The following SLIT3 variants were observed in gnomAD, a reference collection of about 807,000 sequenced individuals.
SLIT3 encodes slit guidance ligand 3, also known as slit homolog 3 protein.
SLIT3 carries 68 observed loss-of-function variants against 184.0 expected under a neutral mutation model. The ratio of observed to expected loss-of-function variants is 0.37; its 90% CI spans 0.30 to 0.45. The LOEUF is 0.45. SLIT3 is among the 20% of genes least tolerant of loss of function. The probability of loss-of-function intolerance (pLI) is 1.00; values close to 1 mark genes in which losing one functional copy is unlikely to be tolerated. For synonymous variants in SLIT3, 831 were observed against 828.6 expected, an observed-to-expected ratio of 1.00 and a Z score of -0.05; for missense variants, 1,707 against 2,026.0, an observed-to-expected ratio of 0.84 and a Z score of 3.02.
At chr5:169,254,978 G>A (rs114554631) in intron 1 of SLIT3, among the ~76,000 whole-genome samples, 2,127 of 152,348 alleles carry the variant, frequency 0.014, 51 homozygotes, top group African/African-American at 0.047. Context: ...TTCAGTCAAT[G>A]AGGATGGCAT....
At chr5:168,794,025 G>A (rs1756478698) in intron 10 of SLIT3, among the ~76,000 whole-genome samples, 1 of 152,196 alleles carries the variant, frequency 6.6e-6, no homozygotes, top group South Asian at 2.1e-4. Flanking sequence ...CAGGGAGATG[G>A]GAAGTTGGCT....
intron 4 of SLIT3, among the ~76,000 whole-genome samples, chr5:168,996,973 G>A (rs1755533957): frequency 1.3e-5 from 2 of 152,158 alleles, no homozygotes; most frequent in South Asian, 4.2e-4. Flanking sequence ...CTTGACTGCT[G>A]CAGGTCTCTG....
At chr5:168,700,861 A>C (rs1477448846) in intron 26 of SLIT3, among the ~76,000 whole-genome samples, 182 bp from the exon 27 acceptor site, 6 of 152,192 alleles carry the variant, frequency 3.9e-5, no homozygotes, top group African/African-American at 1.4e-4. Flanking sequence ...ACCCCTAGTC[A>C]CTGGACAGTA....
intron 4 of SLIT3, among the ~76,000 whole-genome samples, chr5:169,074,479 G>A (rs1758664814): frequency 6.6e-6 from 1 of 152,114 alleles, no homozygotes; most frequent in African/African-American, 2.4e-5. Context: ...TCTATGCACT[G>A]TCCCAAAAGT....
At chr5:169,066,293 G>A (rs969431698) in intron 4 of SLIT3, among the ~76,000 whole-genome samples, 2 of 152,140 alleles carry the variant, frequency 1.3e-5, no homozygotes, top group South Asian at 2.1e-4. Context: ...AGTAAGTGGG[G>A]AAAATTATTT....
intron 4 of SLIT3, among the ~76,000 whole-genome samples, chr5:169,066,612 T>C (rs1326713900): frequency 6.6e-5 from 10 of 152,226 alleles, no homozygotes; most frequent in Admixed American, 6.5e-4. Flanking sequence ...TTGCTCCATT[T>C]TTCTAGAAGG....
At chr5:169,205,012 G>C (rs1020982974) in intron 3 of SLIT3, among the ~76,000 whole-genome samples, 6 of 152,176 alleles carry the variant, frequency 3.9e-5, no homozygotes, top group Admixed American at 1.3e-4. Context: ...GGCGTTTCCA[G>C]GCAACTATGA....
intron 28 of SLIT3, among the ~76,000 whole-genome samples, chr5:168,694,518 C>T (rs745394365): frequency 3.3e-4 from 51 of 152,332 alleles, no homozygotes; most frequent in African/African-American, 1.1e-3. Context: ...GCTACAATTC[C>T]GCTCTCAGAA....
chr5:168,889,132 G>C (rs1760338612), intron 4 of SLIT3, among the ~76,000 whole-genome samples: 1 of 152,202 alleles, frequency 6.6e-6, no homozygotes, highest in Non-Finnish European at 1.5e-5. Flanking sequence ...TATACAGCAG[G>C]AGGGACAAAC....
chr5:168,818,751 G>A (rs1757423990), intron 7 of SLIT3, among the ~76,000 whole-genome samples: 1 of 152,204 alleles, frequency 6.6e-6, no homozygotes, highest in Admixed American at 6.5e-5. Flanking sequence ...TCCACTTAGT[G>A]TAAGGTCAAC....
At chr5:168,876,318 C>T (rs550994622) in intron 5 of SLIT3, among the ~76,000 whole-genome samples, 45 of 152,298 alleles carry the variant, frequency 3.0e-4, no homozygotes, top group African/African-American at 1.0e-3. Flanking sequence ...CTCCCCACTG[C>T]TGCTGAAGCT....
At chr5:168,812,074 C>T (rs573702337) in intron 8 of SLIT3, among the ~76,000 whole-genome samples, 12 of 152,234 alleles carry the variant, frequency 7.9e-5, no homozygotes, top group South Asian at 4.1e-4. Flanking sequence ...AACCGGAGGA[C>T]GTTATGTTAG....
intron 4 of SLIT3, among the ~76,000 whole-genome samples, chr5:168,893,112 G>A (rs1760529337): frequency 6.6e-6 from 1 of 152,208 alleles, no homozygotes; most frequent in Non-Finnish European, 1.5e-5. Flanking sequence ...AAAATCATCT[G>A]ATTGTAAAGA....
intron 20 of SLIT3, among the ~76,000 whole-genome samples, chr5:168,737,455 G>GCACACA (rs376666819): frequency 6.6e-6 from 1 of 151,344 alleles, no homozygotes; most frequent in African/African-American, 2.4e-5. Context: ...TCAGTGCTGT[G>GCACACA]CACACACACA....
At chr5:168,932,711 T>C (rs765769455) in intron 4 of SLIT3, among the ~76,000 whole-genome samples, 6 of 152,200 alleles carry the variant, frequency 3.9e-5, no homozygotes, top group Non-Finnish European at 4.4e-5. Context: ...ATTCTTACCC[T>C]CATAGTTTGT....
chr5:168,947,773 T>G (rs556122424), intron 4 of SLIT3, among the ~76,000 whole-genome samples: 28 of 152,050 alleles, frequency 1.8e-4, no homozygotes, highest in Non-Finnish European at 2.8e-4. Flanking sequence ...AGGTAGTTTT[T>G]TTGTTGTTGT....
chr5:169,063,767 T>C (rs971202443), intron 4 of SLIT3, among the ~76,000 whole-genome samples: 5 of 152,224 alleles, frequency 3.3e-5, no homozygotes, highest in Admixed American at 1.3e-4. Context: ...CTCCGGAATG[T>C]TCATCTCGCG....
chr5:168,840,133 C>T (rs535521132), intron 6 of SLIT3, among the ~76,000 whole-genome samples: 23 of 152,320 alleles, frequency 1.5e-4, no homozygotes, highest in African/African-American at 5.1e-4. Context: ...AAACAGCACA[C>T]GCCGGTTATC....
intron 4 of SLIT3, among the ~76,000 whole-genome samples, chr5:168,944,649 T>C (rs1450768832): frequency 6.6e-6 from 1 of 152,020 alleles, no homozygotes; most frequent in African/African-American, 2.4e-5. Flanking sequence ...ATGGGTTGAG[T>C]CAGTGAATAT....
Sources: allele counts gnomAD v4.1 joint callset (sites outside exome capture counted in the v4.1 genomes callset), GRCh38; gene constraint gnomAD v4.1.1; transcripts MANE v1.5; gene names NCBI Gene and HGNC (gene_info 2026-07-23, HGNC 2026-07-21).